Variants in SYCP2 observed in about 807,000 individuals in gnomAD.
SYCP2 encodes synaptonemal complex protein 2.
Under a neutral mutation model 211.3 loss-of-function variants are expected in SYCP2, and 55 were observed. The ratio of observed to expected loss-of-function variants is 0.26; its 90% CI spans 0.21 to 0.33. The LOEUF is 0.33. SYCP2 is among the 10% of genes least tolerant of loss of function. SYCP2 has a pLI of 1.00. For missense variants in SYCP2, 1,731 were observed against 1,752.0 expected, an observed-to-expected ratio of 0.99 and a Z score of 0.21; for synonymous variants, 570 against 555.2, an observed-to-expected ratio of 1.03 and a Z score of -0.37.
chr20:59,906,712 C>T lies in SYCP2; in HGVS notation c.1033+652G>A, dbSNP rs147618808. On this transcript the variant is annotated intron_variant, in intron 15 of 44. Coordinates refer to ENST00000357552, the MANE Select transcript of SYCP2 (RefSeq NM_014258.4). ...AGATTTCAAAATTTAAAACTGCTCA[C>T]CAGATATCATTAAGAAAATGAATAA... 2.4e-3 allele frequency among the ~76,000 whole-genome samples: 357 copies of T among 151,872 alleles called. 1 individual carries two copies. Among genetic ancestry groups the T allele is most frequent in the African/African-American group, 7.9e-3 (326 of 41,416 alleles).
rs756425573 is a variant in SYCP2 at position 59,922,364 on chromosome 20, C to G, written c.24+26G>C. On this transcript the variant is annotated intron_variant, in intron 3 of 44. Coordinates refer to ENST00000357552, the MANE Select transcript of SYCP2 (RefSeq NM_014258.4). Reference sequence around the variant, plus strand: ...AAAAGTGATTTTCAGAATGAAAATACTTACTTTTGGTCTAGGACTACATAC... The same window carrying G: ...AAAAGTGATTTTCAGAATGAAAATAGTTACTTTTGGTCTAGGACTACATAC... 2.6e-6 allele frequency: 4 copies of G among 1,553,104 alleles called. No homozygotes were observed. In the Admixed American group the frequency reaches 8.6e-5, roughly 34 times the overall value.
intron 4 of SYCP2, 108 bp from the exon 5 acceptor site, chr20:59,920,595 G>A (rs1051421948): frequency 2.1e-5 from 20 of 937,026 alleles, no homozygotes; most frequent in Admixed American, 1.7e-4. Context: ...AATCCTGAAA[G>A]ATGGTCATTT....
intron 20 of SYCP2, among the ~76,000 whole-genome samples, chr20:59,894,803 T>A (rs2059976677): frequency 6.6e-6 from 1 of 152,026 alleles, no homozygotes; most frequent in Non-Finnish European, 1.5e-5. Context: ...GCTGATCACC[T>A]CCTGTTTCTC....
In SYCP2 at chr20:59,868,872, C is replaced by T. The variant is rs1472730536; in HGVS notation, c.3795G>A (p.Thr1265=). 1 of 1,610,130 alleles carries T rather than the reference C, an allele frequency of 6.2e-7. No individual in the cohort carries two copies. Among genetic ancestry groups the T allele is most frequent in the Admixed American group, 1.7e-5 (1 of 59,586 alleles). The stretch of plus-strand genomic sequence containing the variant: ...TAGCATCACAGGGCATGTCAAACCA[C>T]GTTTTCTCTCTTCCTTCACTAGACT... The part of the protein sequence containing the change: ...LSKSSEGREK[T]WFDMPCDATH... The change falls in exon 37 of 45, where the codon ACG becomes ACA. Residue 1265 remains threonine, a synonymous_variant. Coordinates refer to ENST00000357552, the MANE Select transcript of SYCP2 (RefSeq NM_014258.4).
At chr20:59,926,137 C>A (rs1276851348) in intron 2 of SYCP2, among the ~76,000 whole-genome samples, 1 of 151,946 alleles carries the variant, frequency 6.6e-6, no homozygotes. Flanking sequence ...TTTCATAAAT[C>A]CAATAAATTC....
At chr20:59,883,651 T>C (rs201764640) in intron 26 of SYCP2, among the ~76,000 whole-genome samples, 1 of 145,316 alleles carries the variant, frequency 6.9e-6, no homozygotes, top group Admixed American at 6.8e-5. Context: ...AAAAAAAAAA[T>C]GTCAAATCTA....
chr20:59,931,569 T>TA (rs749628919), intron 2 of SYCP2, among the ~76,000 whole-genome samples: 6 of 152,200 alleles, frequency 3.9e-5, no homozygotes, highest in Non-Finnish European at 5.9e-5. Context: ...CAGCAACTGT[T>TA]GAGGCAGGCT....
chr20:59,898,673 C>A (rs531594448), intron 18 of SYCP2, among the ~76,000 whole-genome samples: 99 of 152,162 alleles, frequency 6.5e-4, no homozygotes, highest in African/African-American at 2.3e-3. Flanking sequence ...AACAAACTTG[C>A]ATGTTCTGCA....
At position 59,914,277 on chromosome 20, in the gene SYCP2, A is replaced by G. The variant is rs1202459861; in HGVS notation, c.635-26T>C. The G allele has an allele frequency of 6.5e-6, 9 of 1,382,162 alleles. No homozygotes were observed. The East Asian group carries it at 2.1e-4, about 33-fold the overall frequency. The allele number at this position is 1,382,162 out of a possible 1,614,324, so 85.6% of individuals were successfully genotyped here. A position where few individuals can be genotyped will look rare whatever the true frequency, so the allele number is the denominator to read the frequency against. On this transcript the variant is annotated intron_variant, in intron 10 of 44. Coordinates refer to ENST00000357552, the MANE Select transcript of SYCP2 (RefSeq NM_014258.4). ...CTATTAAAAAAATAGTTAATGTTTG[A>G]TTTACAATTATGAAAATTAAGTTTA... is the stretch of plus-strand genomic sequence containing the variant.
chr20:59,912,837 T>G (rs1277245728), intron 12 of SYCP2, among the ~76,000 whole-genome samples: 1 of 152,194 alleles, frequency 6.6e-6, no homozygotes, highest in Non-Finnish European at 1.5e-5. Context: ...CGAGATCTGA[T>G]GGTTTTATCA....
At chr20:59,872,796 A>G (rs1039326413) in intron 35 of SYCP2, among the ~76,000 whole-genome samples, 2 of 152,090 alleles carry the variant, frequency 1.3e-5, no homozygotes, top group African/African-American at 4.8e-5. Flanking sequence ...TATTCCTGCA[A>G]TGCAGGTACT....
intron 2 of SYCP2, among the ~76,000 whole-genome samples, chr20:59,928,312 C>T (rs1284736941): frequency 2.0e-5 from 3 of 151,990 alleles, no homozygotes; most frequent in Admixed American, 1.3e-4. Context: ...ACAAAAAGAT[C>T]TTAACAAGAG....
intron 31 of SYCP2, among the ~76,000 whole-genome samples, chr20:59,879,088 T>C (rs1386765369): frequency 6.6e-6 from 1 of 152,064 alleles, no homozygotes; most frequent in Non-Finnish European, 1.5e-5. Flanking sequence ...CTTTATGTTA[T>C]AAATGTTTTT....
At chr20:59,884,684 T>C (rs1225950527) in intron 26 of SYCP2, among the ~76,000 whole-genome samples, 1 of 152,084 alleles carries the variant, frequency 6.6e-6, no homozygotes, top group Middle Eastern at 3.2e-3. Context: ...TGCATACATA[T>C]GTTCATTCAC....
At chr20:59,892,477 AT>A (rs2059926027) in intron 23 of SYCP2, 51 bp from the exon 24 acceptor site, 4 of 1,469,946 alleles carry the variant, frequency 2.7e-6, no homozygotes, top group Non-Finnish European at 3.7e-6. Context: ...AAGTTGACAT[AT>A]GTAAAATTTG....
At chr20:59,887,501 G>A (rs2059815293) in intron 24 of SYCP2, among the ~76,000 whole-genome samples, 1 of 152,070 alleles carries the variant, frequency 6.6e-6, no homozygotes, top group Non-Finnish European at 1.5e-5. Context: ...ATAATCCTTT[G>A]GGTATATACC....
chr20:59,902,622 G>T (rs139712038), intron 15 of SYCP2, among the ~76,000 whole-genome samples: 1 of 152,106 alleles, frequency 6.6e-6, no homozygotes, highest in South Asian at 2.1e-4. Flanking sequence ...GCCACGCCAT[G>T]ATGTGGCCTA....
chr20:59,868,136 T>A (rs549791920), intron 38 of SYCP2, among the ~76,000 whole-genome samples: 21 of 151,914 alleles, frequency 1.4e-4, no homozygotes, highest in Non-Finnish European at 2.5e-4. Context: ...CACATTATTA[T>A]TAGGTATTTA....
At chr20:59,913,912 G>T in intron 12 of SYCP2, 63 bp downstream of exon 12, 2 of 1,213,686 alleles carry the variant, frequency 1.6e-6, no homozygotes, top group Non-Finnish European at 1.2e-6. Flanking sequence ...ATGCAACACT[G>T]GGTGCTCACT....
Sources: gnomAD v4.1 joint callset for allele counts (sites outside exome capture counted in the v4.1 genomes callset) on GRCh38, gnomAD v4.1.1 for gene constraint, MANE v1.5 for transcripts, NCBI Gene and HGNC (gene_info 2026-07-23, HGNC 2026-07-21) for gene names.